Variants in AMPD1 observed in about 807,000 individuals in gnomAD.
The protein encoded by AMPD1 is AMP deaminase 1.
AMPD1 carries 74 observed loss-of-function variants against 82.9 expected under a neutral mutation model. That is an observed-to-expected ratio of 0.89 (90% CI 0.74 to 1.08). AMPD1 has a LOEUF of 1.08. Among genes scored for constraint, AMPD1 ranks in the 50% least tolerant of loss-of-function variants. The probability of loss-of-function intolerance (pLI) is 0.00; values close to 1 mark genes in which losing one functional copy is unlikely to be tolerated. For missense variants in AMPD1, 881 were observed against 924.5 expected, an observed-to-expected ratio of 0.95 and a Z score of 0.61; for synonymous variants, 333 against 320.5, an observed-to-expected ratio of 1.04 and a Z score of -0.42.
rs61179687 is a variant in AMPD1 at position 114,678,139 on chromosome 1, G to T, written c.1093-98C>A. On this transcript the variant is annotated intron_variant, in intron 8 of 15. Coordinates refer to ENST00000520113, the MANE Select transcript of AMPD1 (RefSeq NM_000036.3). ...AAGCAGAACTGGGGTCTGGTAGTGG[G>T]GGAGGGCATTGGGCTCCAAGAATGG... is the stretch of plus-strand genomic sequence containing the variant. The T allele has an allele frequency of 4.8e-3, 7,438 of 1,539,128 alleles. 325 individuals carry two copies. In the African/African-American group the frequency reaches 0.09, roughly 19 times the overall value.
intron 4 of AMPD1, among the ~76,000 whole-genome samples, chr1:114,685,933 C>G (rs1477972859): frequency 1.3e-5 from 2 of 152,184 alleles, no homozygotes; most frequent in African/African-American, 4.8e-5. Context: ...GGGTCAGTTA[C>G]ATGAGAAGGG....
Position 114,674,024 on chromosome 1 carries a change from A to AGT in AMPD1, c.1857_1858dup (p.Leu620HisfsTer2), listed in dbSNP as rs1352371774. On this transcript the variant is annotated frameshift_variant, in exon 14 of 16. Transcript: ENST00000520113. LOFTEE classifies it high-confidence loss of function. ...CTCTAGAAATAGGCTATTGTTACTTAGTGGTGACATGGCGATGGGAATTTG... is the reference window on the plus strand; with the variant it reads ...CTCTAGAAATAGGCTATTGTTACTTAGTGTGGTGACATGGCGATGGGAATTTG... 3 of 1,613,950 alleles carry AGT rather than the reference A, an allele frequency of 1.9e-6. No individual in the cohort carries two copies. In the African/African-American group the frequency reaches 4.0e-5, roughly 22 times the overall value.
At chr1:114,675,853 G>A in intron 11 of AMPD1, 24 bp downstream of exon 11, 5 of 1,614,144 alleles carry the variant, frequency 3.1e-6, no homozygotes, top group Non-Finnish European at 3.4e-6. Flanking sequence ...GCAGCAGTAT[G>A]AAGGCCTGAA....
chr1:114,678,233 C>A, intron 8 of AMPD1, 100 bp downstream of exon 8: 1 of 1,512,410 alleles, frequency 6.6e-7, no homozygotes, highest in Non-Finnish European at 9.2e-7. Context: ...CGTGGTAAGC[C>A]AAGATGGTTA....
At chr1:114,673,304 T>A (rs750162782) in intron 15 of AMPD1, 32 bp from the exon 16 acceptor site, 20 of 1,612,246 alleles carry the variant, frequency 1.2e-5, no homozygotes, top group Non-Finnish European at 1.6e-5. Flanking sequence ...GAATGATTGT[T>A]GTCTCTTTTC....
Position 114,674,745 on chromosome 1 carries a change from A to C in AMPD1, c.1800+7T>G. 5 of 1,613,614 alleles carry C rather than the reference A, an allele frequency of 3.1e-6. No homozygotes were observed. Among genetic ancestry groups the C allele is most frequent in the Non-Finnish European group, 4.2e-6 (5 of 1,179,470 alleles). ...TGTAAAAGTTAAGAAGAGAGCTTCC[A>C]ACTCACCTTTTTTAAATTTAGGCCA... On this transcript the variant is annotated splice_region_variant and intron_variant, in intron 13 of 15. Transcript: ENST00000520113.
At chr1:114,682,795 G>T (rs1299097978) in intron 5 of AMPD1, among the ~76,000 whole-genome samples, 1 of 152,122 alleles carries the variant, frequency 6.6e-6, no homozygotes. Flanking sequence ...AGCCAAGATG[G>T]TCTCGATCTC....
Position 114,678,383 on chromosome 1 carries a change from A to G in AMPD1, c.1042T>C (p.Leu348=). 6.2e-7 allele frequency: 1 copy of G among 1,614,138 alleles called. No individual in the cohort carries two copies. The highest frequency in any genetic ancestry group is 8.5e-7 in the Non-Finnish European group (1 of 1,180,014). The stretch of plus-strand genomic sequence containing the variant: ...GTCAGGTCATAAGGATGCATTTTTA[A>G]TTTAGCAAAAAGTTCCTTTAGGGTC... The part of the protein sequence containing the change: ...NLTLKELFAK[L]KMHPYDLTVD... The change falls in exon 8 of 16, where the codon TTA becomes CTA. Residue 348 remains leucine, a synonymous_variant. Coordinates refer to ENST00000520113, the MANE Select transcript of AMPD1 (RefSeq NM_000036.3).
At chr1:114,694,031 G>A (rs1215402804) in intron 1 of AMPD1, among the ~76,000 whole-genome samples, 4 of 152,030 alleles carry the variant, frequency 2.6e-5, no homozygotes, top group Non-Finnish European at 4.4e-5. Context: ...TATTCACTGT[G>A]TTATATGTGA....
At position 114,673,213 on chromosome 1, in the gene AMPD1, G is replaced by A. The variant is rs1371556341; in HGVS notation, c.2145C>T (p.Ile715=). 6 of 1,613,940 alleles carry A rather than the reference G, an allele frequency of 3.7e-6. No individual in the cohort carries two copies. The highest frequency in any genetic ancestry group is 1.6e-4 in the Middle Eastern group (1 of 6,082). ...YLEEGPAGND[I]RRTNVAQIRM... ...GGATTTGGGCTACATTTGTCCTCCG[G>A]ATATCATTTCCAGCAGGGCCTTCCT... Residue 715 remains isoleucine, a synonymous_variant, in exon 16 of 16, where the codon ATC becomes ATT. Coordinates refer to ENST00000520113, the MANE Select transcript of AMPD1 (RefSeq NM_000036.3).
At position 114,695,384 on chromosome 1, in the gene AMPD1, C is replaced by T. The variant is rs946062276; in HGVS notation, c.22+66G>A. ...AAAGCTGATATGGTAGCTAAAGGAA[C>T]AGTTGCTTGTCAAAAAAAAAAAAAA... On this transcript the variant is annotated intron_variant, in intron 1 of 15. Transcript: ENST00000520113. 81 of 1,541,568 alleles carry T rather than the reference C, an allele frequency of 5.3e-5. 1 individual carries two copies. Among genetic ancestry groups the T allele is most frequent in the Middle Eastern group, 3.5e-4 (2 of 5,780 alleles).
intron 12 of AMPD1, 47 bp from the exon 13 acceptor site, chr1:114,674,919 G>A (rs1570837202): frequency 6.2e-7 from 1 of 1,612,710 alleles, no homozygotes; most frequent in East Asian, 2.2e-5. Context: ...TGGGTATGGA[G>A]TGATTCACAA....
Position 114,695,501 on chromosome 1 carries a change from C to T in AMPD1, c.-30G>A, listed in dbSNP as rs587779378. 1.9e-6 allele frequency: 3 copies of T among 1,613,790 alleles called. No individual in the cohort carries two copies. Among genetic ancestry groups the T allele is most frequent in the African/African-American group, 1.3e-5 (1 of 74,834 alleles). ...GCTGAAATCCTTGATTCTAGGATAG[C>T]ACAGTAGAAAAGAAGAGAGAGGAGA... On this transcript the variant is annotated 5_prime_UTR_variant, in exon 1 of 16. Coordinates refer to ENST00000520113, the MANE Select transcript of AMPD1 (RefSeq NM_000036.3).
chr1:114,680,400 T>C lies in AMPD1; in HGVS notation c.626A>G (p.Lys209Arg), dbSNP rs1458022859. 2.5e-6 allele frequency: 4 copies of C among 1,614,228 alleles called. No individual in the cohort carries two copies. The South Asian group carries it at 3.3e-5, about 13-fold the overall frequency. Residue 209 changes from lysine (K) to arginine (R), a missense_variant, in exon 6 of 16, where the codon AAA (lysine) becomes AGA (arginine). Physicochemically the swap from Lys to Arg is conservative, Grantham distance 26 (BLOSUM62 2). Coordinates refer to ENST00000520113, the MANE Select transcript of AMPD1 (RefSeq NM_000036.3). ...NLPENLGYHL[K>R]MKDGVVYVYP... Reference sequence around the variant, plus strand: ...GACGTAAACTACACCGTCCTTCATTTTGAGGTGATAGCCCAGGTTTTCAGG... The same window carrying C: ...GACGTAAACTACACCGTCCTTCATTCTGAGGTGATAGCCCAGGTTTTCAGG...
In AMPD1 at chr1:114,675,991, A is replaced by G. The variant is rs1415946044; in HGVS notation, c.1401T>C (p.Arg467=). 4 of 1,614,096 alleles carry G rather than the reference A, an allele frequency of 2.5e-6. No homozygotes were observed. The highest frequency in any genetic ancestry group is 2.5e-6 in the Non-Finnish European group (3 of 1,180,024). The stretch of plus-strand genomic sequence containing the variant: ...CAAAATGTGGAAGGAAATTCTTGGA[A>G]CGGAACACATCACTAGAGGCAAGAA... ...IQVPRIYDVF[R]SKNFLPHFGK... The change falls in exon 11 of 16, where the codon CGT becomes CGC. Residue 467 remains arginine (R), a synonymous_variant. Transcript: ENST00000520113.
intron 10 of AMPD1, chr1:114,676,250 A>C (rs1657978463): frequency 2.2e-6 from 1 of 462,964 alleles, no homozygotes; most frequent in Non-Finnish European, 4.0e-6. Context: ...CCTTTGTCAT[A>C]AGAAAACTAA....
chr1:114,684,551 C>A, intron 4 of AMPD1, 187 bp from the exon 5 acceptor site: 1 of 636,896 alleles, frequency 1.6e-6, no homozygotes, highest in Non-Finnish European at 2.7e-6. Flanking sequence ...GGTCCTGAAG[C>A]TTTTCTAGCT....
At chr1:114,675,786 CAT>C in intron 11 of AMPD1, 89 bp downstream of exon 11, 1 of 1,613,374 alleles carries the variant, frequency 6.2e-7, no homozygotes, top group Non-Finnish European at 8.5e-7. Context: ...ACAGACCAAA[CAT>C]AAAGAGATAA....
intron 2 of AMPD1, among the ~76,000 whole-genome samples, chr1:114,690,633 T>C (rs1465143520): frequency 5.3e-5 from 8 of 152,344 alleles, no homozygotes; most frequent in Middle Eastern, 3.4e-3. Flanking sequence ...TAAGTAGTTC[T>C]TTGGCAAACA....
Sources: gnomAD v4.1 joint callset for allele counts (sites outside exome capture counted in the v4.1 genomes callset) on GRCh38, gnomAD v4.1.1 for gene constraint, MANE v1.5 for transcripts, NCBI Gene and HGNC (gene_info 2026-07-23, HGNC 2026-07-21) for gene names.